Variants in NRCAM observed in about 807,000 individuals in gnomAD.
NRCAM encodes the protein NgCAM-related cell adhesion molecule.
NRCAM carries 83 observed loss-of-function variants against 156.5 expected under a neutral mutation model. The observed-to-expected ratio is 0.53, with a 90% CI of 0.44 to 0.64. The LOEUF is 0.64. NRCAM is among the 30% of genes least tolerant of loss of function. The pLI is 0.00. For synonymous variants in NRCAM, 538 were observed against 563.9 expected (o/e 0.95, Z 0.65); for missense variants, 1,417 against 1,597.3 (o/e 0.89, Z 1.92).
At chr7:108,207,846 A>G (rs900771331) in intron 12 of NRCAM, among the ~76,000 whole-genome samples, 187 bp from the exon 13 acceptor site, 2 of 152,198 alleles carry the variant, frequency 1.3e-5, no homozygotes, top group African/African-American at 4.8e-5. Flanking sequence ...ATGTTTAAAG[A>G]GACTCACTGA....
chr7:108,216,312 G>A (rs902632656), intron 11 of NRCAM, among the ~76,000 whole-genome samples: 9 of 152,108 alleles, frequency 5.9e-5, no homozygotes, highest in African/African-American at 2.2e-4. Context: ...CCTTTGTGGA[G>A]AACCCAACCT....
intron 1 of NRCAM, among the ~76,000 whole-genome samples, chr7:108,409,820 A>G (rs1793112684): frequency 6.6e-6 from 1 of 152,248 alleles, no homozygotes; most frequent in South Asian, 2.1e-4. Context: ...TAGATAAAAT[A>G]ATATGCATAG....
chr7:108,238,926 T>C (rs1043996959), intron 4 of NRCAM, among the ~76,000 whole-genome samples: 1 of 151,526 alleles, frequency 6.6e-6, no homozygotes, highest in Non-Finnish European at 1.5e-5. Context: ...ATGGTAATAA[T>C]AAATAATAAT....
At chr7:108,379,655 A>G (rs1408532257) in intron 2 of NRCAM, among the ~76,000 whole-genome samples, 2 of 152,188 alleles carry the variant, frequency 1.3e-5, no homozygotes, top group African/African-American at 2.4e-5. Flanking sequence ...CACAAAGGAT[A>G]AGATGTCACA....
At chr7:108,345,281 A>G (rs1021523909) in intron 2 of NRCAM, among the ~76,000 whole-genome samples, 1 of 152,208 alleles carries the variant, frequency 6.6e-6, no homozygotes, top group South Asian at 2.1e-4. Flanking sequence ...TCAGTTATTC[A>G]GTAAGATGAT....
intron 17 of NRCAM, 74 bp downstream of exon 17, chr7:108,193,950 A>G (rs2073674337): frequency 6.9e-7 from 1 of 1,443,878 alleles, no homozygotes; most frequent in East Asian, 2.3e-5. Context: ...ATAATTGACT[A>G]CATAGTAGAC....
intron 13 of NRCAM, among the ~76,000 whole-genome samples, chr7:108,204,700 C>T (rs977355983): frequency 5.3e-5 from 8 of 152,198 alleles, no homozygotes; most frequent in African/African-American, 9.6e-5. Context: ...GGGTGAGCGA[C>T]CCTGGATCTA....
At chr7:108,352,106 G>A (rs1464158178) in intron 2 of NRCAM, among the ~76,000 whole-genome samples, 2 of 152,126 alleles carry the variant, frequency 1.3e-5, no homozygotes, top group Non-Finnish European at 2.9e-5. Context: ...ATTATTTTAA[G>A]AATATTCCTT....
At chr7:108,379,437 G>A (rs1322766226) in intron 2 of NRCAM, among the ~76,000 whole-genome samples, 1 of 152,088 alleles carries the variant, frequency 6.6e-6, no homozygotes, top group East Asian at 1.9e-4. Flanking sequence ...AATTATAGAG[G>A]CAGAAAGTAG....
chr7:108,174,769 T>G (rs16872426), intron 28 of NRCAM, among the ~76,000 whole-genome samples: 3,718 of 152,352 alleles, frequency 0.024, 150 homozygotes, highest in African/African-American at 0.085. Flanking sequence ...ATGGGTCACC[T>G]GGAAGACTCA....
In NRCAM at chr7:108,271,327, C is replaced by T. The variant is rs554829990; in HGVS notation, c.-106-31157G>A. On this transcript the variant is annotated intron_variant, in intron 3 of 32. Transcript: ENST00000379028. ...GAAAAAATAGTCTTCTGCTAGGACA[C>T]GATGGATGATATTCATTCAAAACAC... Among the ~76,000 whole-genome samples the T allele has an allele frequency of 5.3e-5, 8 of 152,224 alleles. No individual in the cohort carries two copies. In the South Asian group the frequency reaches 1.5e-3, roughly 28 times the overall value.
At chr7:108,173,811 T>G (rs2059447706) in intron 28 of NRCAM, among the ~76,000 whole-genome samples, 1 of 152,198 alleles carries the variant, frequency 6.6e-6, no homozygotes, top group African/African-American at 2.4e-5. Context: ...TAACATCAAA[T>G]GGTAAAACCA....
chr7:108,223,745 C>A lies in NRCAM; in HGVS notation c.870G>T (p.Leu290=). ...CTCACAGTCCTTCTGCAATGCACTCCAGTGAAAGCACATTTCCTCTTAATT... is the reference window on the plus strand; with the variant it reads ...CTCACAGTCCTTCTGCAATGCACTCAAGTGAAAGCACATTTCCTCTTAATT... ...KEELRGNVLS[L]ECIAEGLPTP... is the part of the protein sequence containing the mutation. Residue 290 remains leucine, a synonymous_variant, in exon 11 of 33, where the codon CTG becomes CTT. Coordinates refer to ENST00000379028, the MANE Select transcript of NRCAM (RefSeq NM_001037132.4). 6.3e-7 allele frequency: 1 copy of A among 1,584,700 alleles called. No homozygotes were observed. The highest frequency in any genetic ancestry group is 8.7e-7 in the Non-Finnish European group (1 of 1,153,552).
At chr7:108,312,892 A>C (rs1231701633) in intron 2 of NRCAM, among the ~76,000 whole-genome samples, 161 bp from the exon 3 acceptor site, 5 of 152,166 alleles carry the variant, frequency 3.3e-5, no homozygotes, top group African/African-American at 7.2e-5. Flanking sequence ...GCCAAAACAT[A>C]TCTCTGCTGG....
chr7:108,194,439 G>A lies in NRCAM; in HGVS notation c.1464-11C>T. ...TTAGCTCCTTTAAACCTTCATTACA[G>A]AAATTATCACAATGAGAATAAAAAC... On this transcript the variant is annotated splice_polypyrimidine_tract_variant and intron_variant, in intron 15 of 32. Coordinates refer to ENST00000379028, the MANE Select transcript of NRCAM (RefSeq NM_001037132.4). 1.3e-6 allele frequency: 2 copies of A among 1,555,188 alleles called. No homozygotes were observed. The highest frequency in any genetic ancestry group is 2.8e-5 in the African/African-American group (2 of 72,682).
chr7:108,455,362 G>C (rs528964670), intron 1 of NRCAM, among the ~76,000 whole-genome samples: 178 of 152,284 alleles, frequency 1.2e-3, no homozygotes, highest in Middle Eastern at 3.4e-3. Context: ...GCTCCAGGGC[G>C]GGTAATCACT....
chr7:108,168,152 CTCAT>C, intron 29 of NRCAM, 121 bp downstream of exon 29: 5 of 1,007,862 alleles, frequency 5.0e-6, no homozygotes, highest in Non-Finnish European at 6.6e-6. Flanking sequence ...TTTTAGATAA[CTCAT>C]TCATTTAATT....
intron 2 of NRCAM, among the ~76,000 whole-genome samples, chr7:108,360,083 T>C (rs1699181431): frequency 6.6e-6 from 1 of 152,234 alleles, no homozygotes; most frequent in Admixed American, 6.5e-5. Context: ...ATTAATCTGC[T>C]CTATTGTATG....
At chr7:108,355,173 T>G in intron 2 of NRCAM, among the ~76,000 whole-genome samples, 1 of 152,166 alleles carries the variant, frequency 6.6e-6, no homozygotes, top group East Asian at 1.9e-4. Flanking sequence ...TGAAATTGGA[T>G]AAATTGATTC....
Sources: allele counts gnomAD v4.1 joint callset (sites outside exome capture counted in the v4.1 genomes callset), GRCh38; gene constraint gnomAD v4.1.1; transcripts MANE v1.5; gene names NCBI Gene and HGNC (gene_info 2026-07-23, HGNC 2026-07-21).